Variants in SMIM20 observed in about 807,000 individuals in gnomAD.
SMIM20 encodes the protein mitochondrial translation regulation assembly intermediate of cytochrome c oxidase protein of 7 kDa.
In SMIM20, 3 loss-of-function variants were observed where a neutral mutation model predicts 8.7. That is an observed-to-expected ratio of 0.34 (90% confidence interval 0.16 to 0.89). The LOEUF (loss-of-function observed/expected upper bound fraction) is 0.89. SMIM20 is among the 40% of genes least tolerant of loss of function. The probability of loss-of-function intolerance (pLI) is 0.49; values close to 1 mark genes in which losing one functional copy is unlikely to be tolerated. For missense variants in SMIM20, 85 were observed against 84.8 expected (o/e 1.00, Z -0.01); for synonymous variants, 44 against 33.6 (o/e 1.31, Z -1.07).
At chr4:25,919,150 C>T (rs1373008444) in intron 1 of SMIM20, among the ~76,000 whole-genome samples, 5 of 146,188 alleles carry the variant, frequency 3.4e-5, no homozygotes, top group African/African-American at 1.0e-4. Flanking sequence ...ATGATCCACC[C>T]GCCTCGGCCT....
intron 1 of SMIM20, among the ~76,000 whole-genome samples, chr4:25,926,491 T>A (rs1472979728): frequency 6.6e-6 from 1 of 152,236 alleles, no homozygotes; most frequent in Non-Finnish European, 1.5e-5. Flanking sequence ...TATAAAGAGA[T>A]TATGGTCTAT....
chr4:25,917,136 T>G lies in SMIM20; in HGVS notation c.109+2714T>G, dbSNP rs1719105315. 4.6e-5 allele frequency among the ~76,000 whole-genome samples: 7 copies of G among 152,048 alleles called. No homozygotes were observed. In the South Asian group the frequency reaches 1.2e-3, roughly 27 times the overall value. ...AGCTGATGAGTCACAGATCTGGGAC[T>G]TGAATTAATATCCTTAATCCCTAAA... On this transcript the variant is annotated intron_variant, in intron 1 of 2. Transcript: ENST00000506197.
At position 25,914,221 on chromosome 4, in the gene SMIM20, T is replaced by C. The variant is rs1166685390; in HGVS notation, c.-93T>C. On this transcript the variant is annotated 5_prime_UTR_variant, in exon 1 of 3. Transcript: ENST00000506197. ...GCCCGGAAGCGAAAGCCTCTCCACCTCTTCCGAGCGGGGTCACGGCCCGGC... is the reference window on the plus strand; with the variant it reads ...GCCCGGAAGCGAAAGCCTCTCCACCCCTTCCGAGCGGGGTCACGGCCCGGC... 1.3e-6 allele frequency: 2 copies of C among 1,490,280 alleles called. No homozygotes were observed. Among genetic ancestry groups the C allele is most frequent in the Non-Finnish European group, 1.8e-6 (2 of 1,113,712 alleles). 92.3% of individuals were successfully genotyped at this position (1,490,280 alleles called of 1,614,324 possible). A position where few individuals can be genotyped will look rare whatever the true frequency, so the allele number is the denominator to read the frequency against.
intron 2 of SMIM20, 116 bp downstream of exon 2, chr4:25,928,485 A>G (rs368571036): frequency 1.0e-6 from 1 of 993,328 alleles, no homozygotes; most frequent in Non-Finnish European, 1.4e-6. Flanking sequence ...CTTAGAGACA[A>G]GATTGTGATT....
chr4:25,918,065 C>A (rs1212755191), intron 1 of SMIM20, among the ~76,000 whole-genome samples: 1 of 151,756 alleles, frequency 6.6e-6, no homozygotes, highest in Non-Finnish European at 1.5e-5. Flanking sequence ...GCCTCAGCCT[C>A]CCAAGTAGCT....
chr4:25,929,362 C>T lies in SMIM20; in HGVS notation c.*171C>T, dbSNP rs145059513. 1.5e-4 allele frequency: 91 copies of T among 591,726 alleles called. No individual in the cohort carries two copies. In the East Asian group the frequency reaches 2.6e-3, roughly 17 times the overall value. The allele number at this position is 591,726 out of a possible 1,614,324, so 36.7% of individuals were successfully genotyped here. ...ACTGTGCACAAGGATTAATATTTCC[C>T]TTCTTAAGTATCAAAAGAACTCTGG... On this transcript the variant is annotated 3_prime_UTR_variant, in exon 3 of 3. Coordinates refer to ENST00000506197, the MANE Select transcript of SMIM20 (RefSeq NM_001145432.3).
intron 1 of SMIM20, 36 bp from the exon 2 acceptor site, chr4:25,928,277 C>A (rs754317855): frequency 6.5e-7 from 1 of 1,544,342 alleles, no homozygotes. Context: ...TCCCCGCCCC[C>A]CTTCTAAAGA....
chr4:25,921,088 T>C (rs1719194425), intron 1 of SMIM20, among the ~76,000 whole-genome samples: 1 of 152,224 alleles, frequency 6.6e-6, no homozygotes, highest in Admixed American at 6.5e-5. Context: ...CAAGCATCAC[T>C]CTGATTGATT....
At chr4:25,917,576 G>C (rs1408421350) in intron 1 of SMIM20, among the ~76,000 whole-genome samples, 2 of 152,148 alleles carry the variant, frequency 1.3e-5, no homozygotes, top group Non-Finnish European at 2.9e-5. Context: ...CATTCAACTA[G>C]CATTTATTTA....
intron 1 of SMIM20, among the ~76,000 whole-genome samples, chr4:25,917,515 A>G (rs1719110192): frequency 6.6e-6 from 1 of 152,218 alleles, no homozygotes; most frequent in African/African-American, 2.4e-5. Context: ...GGTGTTCATG[A>G]TCAGGTCATG....
intron 1 of SMIM20, among the ~76,000 whole-genome samples, chr4:25,923,064 TTC>T (rs1322290039): frequency 3.9e-5 from 6 of 152,220 alleles, no homozygotes; most frequent in African/African-American, 1.2e-4. Context: ...TACAAGGCAG[TTC>T]TGTACATGAT....
At chr4:25,926,594 T>C (rs952630154) in intron 1 of SMIM20, among the ~76,000 whole-genome samples, 1 of 152,248 alleles carries the variant, frequency 6.6e-6, no homozygotes, top group Non-Finnish European at 1.5e-5. Flanking sequence ...TGGTTCTCCG[T>C]TGCATCATAA....
chr4:25,915,740 C>T (rs1294360350), intron 1 of SMIM20, among the ~76,000 whole-genome samples: 2 of 151,830 alleles, frequency 1.3e-5, no homozygotes, highest in East Asian at 3.9e-4. Context: ...GCTTTGCATC[C>T]CATTGGAAAA....
At chr4:25,928,531 T>G (rs1444858125) in intron 2 of SMIM20, among the ~76,000 whole-genome samples, 162 bp downstream of exon 2, 1 of 152,238 alleles carries the variant, frequency 6.6e-6, no homozygotes, top group Admixed American at 6.5e-5. Flanking sequence ...CATTTATAGA[T>G]GCCACCCAAG....
intron 1 of SMIM20, among the ~76,000 whole-genome samples, chr4:25,915,858 GC>G (rs149004556): frequency 0.36 from 38,842 of 107,914 alleles, 11,597 homozygotes; most frequent in African/African-American, 0.43. Context: ...TTGGGATGGG[GC>G]GGGGGGGGGG....
intron 2 of SMIM20, among the ~76,000 whole-genome samples, chr4:25,928,622 A>C (rs1456214396): frequency 6.6e-6 from 1 of 152,232 alleles, no homozygotes. Context: ...GTGGGCATAA[A>C]AATGTTAACA....
chr4:25,914,274 C>G lies in SMIM20; in HGVS notation c.-40C>G. ...TCGGTAACCTGGTTTCCGAGAGTGCCGGGCGGTCGGCGGGTCAGGGCAGCC... is the reference window on the plus strand; with the variant it reads ...TCGGTAACCTGGTTTCCGAGAGTGCGGGGCGGTCGGCGGGTCAGGGCAGCC... On this transcript the variant is annotated 5_prime_UTR_variant, in exon 1 of 3. Transcript: ENST00000506197. The G allele has an allele frequency of 1.3e-6, 2 of 1,531,122 alleles. No individual in the cohort carries two copies. The highest frequency in any genetic ancestry group is 8.8e-7 in the Non-Finnish European group (1 of 1,134,308). 94.8% of individuals were successfully genotyped at this position (1,531,122 alleles called of 1,614,324 possible).
chr4:25,916,347 A>C (rs1196234886), intron 1 of SMIM20, among the ~76,000 whole-genome samples: 3 of 151,320 alleles, frequency 2.0e-5, no homozygotes, highest in Non-Finnish European at 4.4e-5. Context: ...AGTAGCTGGA[A>C]TTACAGGTAC....
At position 25,914,369 on chromosome 4, in the gene SMIM20, G is replaced by T; in HGVS notation, c.56G>T (p.Gly19Val). 6.5e-7 allele frequency: 1 copy of T among 1,548,570 alleles called. No individual in the cohort carries two copies. The highest frequency in any genetic ancestry group is 8.7e-7 in the Non-Finnish European group (1 of 1,145,078). The change falls in exon 1 of 3, where the codon GGC becomes GTC. Residue 19 changes from glycine (G) to valine (V), a missense_variant. Gly to Val is a moderately radical substitution (Grantham distance 109). Coordinates refer to ENST00000506197, the MANE Select transcript of SMIM20 (RefSeq NM_001145432.3). The part of the protein sequence containing the change: ...LIFGGFISLI[G>V]AAFYPIYFRP... ...TTCGGCGGCTTCATCTCCCTGATCG[G>T]CGCCGCCTTCTATCCCATCTACTTC...
Sources: allele counts gnomAD v4.1 joint callset (sites outside exome capture counted in the v4.1 genomes callset), GRCh38; gene constraint gnomAD v4.1.1; transcripts MANE v1.5; gene names NCBI Gene and HGNC (gene_info 2026-07-23, HGNC 2026-07-21).